ARNT2: variants seen among roughly 807,000 people sequenced by gnomAD.
ARNT2 encodes the protein ARNT protein 2.
Under a neutral mutation model 91.7 loss-of-function variants are expected in ARNT2, and 36 were observed. The ratio of observed to expected loss-of-function variants is 0.39; its 90% CI spans 0.30 to 0.52. The LOEUF (loss-of-function observed/expected upper bound fraction) is 0.52, where lower values mean the gene tolerates loss of function less well. ARNT2 is among the 20% of genes least tolerant of loss of function. The probability of loss-of-function intolerance (pLI) is 0.72; values close to 1 mark genes in which losing one functional copy is unlikely to be tolerated. For synonymous variants in ARNT2, 365 were observed against 347.1 expected (o/e 1.05, Z -0.57); for missense variants, 775 against 939.3 (o/e 0.83, Z 2.29).
chr15:80,513,721 C>CAA (rs36113299), intron 6 of ARNT2, among the ~76,000 whole-genome samples, 190 bp from the exon 7 acceptor site: 7,248 of 100,850 alleles, frequency 0.072, 327 homozygotes, highest in Middle Eastern at 0.091. Flanking sequence ...TCTTCAGTCA[C>CAA]AAAAAAAAAA....
chr15:80,426,095 G>T (rs1278064051), intron 1 of ARNT2, among the ~76,000 whole-genome samples: 44 of 134,522 alleles, frequency 3.3e-4, no homozygotes, highest in Non-Finnish European at 9.6e-5. Flanking sequence ...AAACTCTATA[G>T]GATACGTTTC....
At chr15:80,553,054 G>T (rs560883076) in intron 10 of ARNT2, among the ~76,000 whole-genome samples, 29 of 152,270 alleles carry the variant, frequency 1.9e-4, no homozygotes, top group African/African-American at 3.1e-4. Context: ...ATTAATAGGG[G>T]ATCTCTTATT....
chr15:80,452,293 T>C (rs1896406415), intron 2 of ARNT2, among the ~76,000 whole-genome samples: 1 of 152,204 alleles, frequency 6.6e-6, no homozygotes, highest in Non-Finnish European at 1.5e-5. Context: ...CGCTGGGTGC[T>C]GATACAGCCA....
intron 5 of ARNT2, among the ~76,000 whole-genome samples, chr15:80,498,948 G>C (rs1897155414): frequency 6.6e-6 from 1 of 152,178 alleles, no homozygotes; most frequent in Admixed American, 6.5e-5. Context: ...TCTGCAGTAA[G>C]TCAGGCTGCC....
At chr15:80,470,476 A>G in intron 4 of ARNT2, 45 bp downstream of exon 4, 1 of 1,591,802 alleles carries the variant, frequency 6.3e-7, no homozygotes. Context: ...GGGGAATCCC[A>G]GCGTCACCAA....
chr15:80,417,554 C>CAT (rs1555454517), intron 1 of ARNT2, among the ~76,000 whole-genome samples: 2 of 150,270 alleles, frequency 1.3e-5, no homozygotes, highest in African/African-American at 4.9e-5. Context: ...CTTCCTTCTC[C>CAT]TTTCTTTTCT....
intron 1 of ARNT2, among the ~76,000 whole-genome samples, chr15:80,432,418 G>GA (rs999070849): frequency 4.0e-5 from 6 of 151,468 alleles, no homozygotes; most frequent in African/African-American, 1.5e-4. Context: ...TAAATTGATG[G>GA]AAAAAAAACA....
intron 1 of ARNT2, among the ~76,000 whole-genome samples, chr15:80,412,634 G>C (rs1292332684): frequency 1.3e-5 from 2 of 152,024 alleles, no homozygotes; most frequent in African/African-American, 4.8e-5. Flanking sequence ...TCTGTTTATG[G>C]CTGTGTCATA....
intron 12 of ARNT2, among the ~76,000 whole-genome samples, chr15:80,569,305 G>A (rs1373109769): frequency 4.6e-5 from 7 of 152,224 alleles, no homozygotes; most frequent in African/African-American, 9.6e-5. Context: ...CTCCTCAGCC[G>A]TTGTAGCCCA....
rs1893392053 is a variant in ARNT2 at position 80,597,429 on chromosome 15, C to G, written c.*3731C>G. ...TCTCCTAACCTGCCGGGGTCATTCC[C>G]CACCAAACACCCCATACTAAGGAGC... On this transcript the variant is annotated 3_prime_UTR_variant, in exon 19 of 19. Transcript: ENST00000303329. The G allele has an allele frequency of 1.1e-5, 4 of 366,720 alleles. No homozygotes were observed. In the Admixed American group the frequency reaches 1.3e-4, roughly 12 times the overall value. 22.7% of individuals were successfully genotyped at this position (366,720 alleles called of 1,614,324 possible).
At chr15:80,438,950 A>C (rs1896141631) in intron 1 of ARNT2, among the ~76,000 whole-genome samples, 1 of 152,186 alleles carries the variant, frequency 6.6e-6, no homozygotes, top group African/African-American at 2.4e-5. Context: ...CGGCCTCCCA[A>C]AGTGTTGTCT....
intron 15 of ARNT2, among the ~76,000 whole-genome samples, chr15:80,578,060 C>G (rs963680099): frequency 6.6e-6 from 1 of 151,822 alleles, no homozygotes; most frequent in African/African-American, 2.4e-5. Flanking sequence ...CTACTCAGCA[C>G]GCACTGACCG....
rs564851436 is a variant in ARNT2 at position 80,423,413 on chromosome 15, C to T, written c.31+18867C>T. On this transcript the variant is annotated intron_variant, in intron 1 of 18. Coordinates refer to ENST00000303329, the MANE Select transcript of ARNT2 (RefSeq NM_014862.4). The stretch of plus-strand genomic sequence containing the variant: ...AGGAACATGTTGCTTACACTGGGAA[C>T]GCTCACTATGTGATTATGAGTCACA... Among the ~76,000 whole-genome samples the T allele has an allele frequency of 6.6e-5, 10 of 152,224 alleles. No individual in the cohort carries two copies. In the South Asian group the frequency reaches 1.0e-3, roughly 16 times the overall value.
rs563432846 is a variant in ARNT2, at chr15:80,545,564, G to A, written c.878-5635G>A. Reference sequence around the variant, plus strand: ...GATGATTGGAGAGCTAACTGAAGTCGAAGCAGACAGGTTTGGTGTCCATTG... The same window carrying A: ...GATGATTGGAGAGCTAACTGAAGTCAAAGCAGACAGGTTTGGTGTCCATTG... On this transcript the variant is annotated intron_variant, in intron 8 of 18. Coordinates refer to ENST00000303329, the MANE Select transcript of ARNT2 (RefSeq NM_014862.4). Among the ~76,000 whole-genome samples the A allele has an allele frequency of 2.3e-4, 35 of 152,316 alleles. No individual in the cohort carries two copies. The East Asian group carries it at 5.2e-3, about 23-fold the overall frequency.
At chr15:80,454,379 C>T in intron 2 of ARNT2, among the ~76,000 whole-genome samples, 1 of 152,188 alleles carries the variant, frequency 6.6e-6, no homozygotes, top group Non-Finnish European at 1.5e-5. Context: ...GTGTCAGTCC[C>T]TTTCCACTTG....
chr15:80,580,242 G>A (rs965950536), intron 15 of ARNT2, 169 bp from the exon 16 acceptor site: 19 of 824,210 alleles, frequency 2.3e-5, no homozygotes, highest in African/African-American at 1.0e-4. Context: ...AGAGGAGGAC[G>A]GCCAAGGGGC....
At chr15:80,530,880 A>G (rs1431969511) in intron 8 of ARNT2, among the ~76,000 whole-genome samples, 2 of 152,192 alleles carry the variant, frequency 1.3e-5, no homozygotes, top group Non-Finnish European at 2.9e-5. Flanking sequence ...CATTTGGGAA[A>G]CTTGGCAGTC....
At position 80,552,894 on chromosome 15, in the gene ARNT2, A is replaced by C. The variant is rs576169576; in HGVS notation, c.1089+120A>C. 1.1e-5 allele frequency: 14 copies of C among 1,289,884 alleles called. No individual in the cohort carries two copies. The South Asian group carries it at 1.7e-4, about 16-fold the overall frequency. 79.9% of individuals were successfully genotyped at this position (1,289,884 alleles called of 1,614,324 possible). ...GTGGAGAAACATCATAAAGACCCAT[A>C]TACCCTGCCTAGATAGAACGATAGA... On this transcript the variant is annotated intron_variant, in intron 10 of 18. Transcript: ENST00000303329.
At chr15:80,464,628 T>G (rs961754436) in intron 3 of ARNT2, among the ~76,000 whole-genome samples, 4 of 152,170 alleles carry the variant, frequency 2.6e-5, no homozygotes, top group African/African-American at 9.7e-5. Context: ...CCTCTGCCCT[T>G]CCTGGAGCAG....
Sources: allele counts gnomAD v4.1 joint callset (sites outside exome capture counted in the v4.1 genomes callset), GRCh38; gene constraint gnomAD v4.1.1; transcripts MANE v1.5; gene names NCBI Gene and HGNC (gene_info 2026-07-23, HGNC 2026-07-21).